RASEF: variants seen among roughly 807,000 people sequenced by gnomAD.
RASEF encodes the protein ras and EF-hand domain-containing protein.
In RASEF, 68 loss-of-function variants were observed where a neutral mutation model predicts 90.1. The ratio of observed to expected loss-of-function variants is 0.75; its 90% CI spans 0.62 to 0.92. The LOEUF (loss-of-function observed/expected upper bound fraction) is 0.92. Ranked by LOEUF, RASEF falls within the 40% of genes least tolerant of loss-of-function variation. RASEF has a pLI of 0.00. For synonymous variants in RASEF, 331 were observed against 345.2 expected (o/e 0.96, Z 0.46); for missense variants, 949 against 937.2 (o/e 1.01, Z -0.16).
the RASEF span, among the ~76,000 whole-genome samples, chr9:83,194,233 G>C: frequency 6.6e-6 from 1 of 152,054 alleles, no homozygotes; most frequent in Non-Finnish European, 1.5e-5. Context: ...ATTACCTTTA[G>C]TCTTCATGTC....
At chr9:83,214,656 G>A in the RASEF span, among the ~76,000 whole-genome samples, 4 of 152,234 alleles carry the variant, frequency 2.6e-5, no homozygotes, top group East Asian at 7.8e-4. Flanking sequence ...TTCCCATGCT[G>A]TTCTCCTGAT....
chr9:83,179,820 G>A, the RASEF span, among the ~76,000 whole-genome samples: 12 of 151,902 alleles, frequency 7.9e-5, no homozygotes, highest in Admixed American at 2.0e-4. Flanking sequence ...ACACACACAC[G>A]TACAGTGACT....
At chr9:83,178,548 C>G in the RASEF span, among the ~76,000 whole-genome samples, 1 of 152,134 alleles carries the variant, frequency 6.6e-6, no homozygotes, top group East Asian at 1.9e-4. Flanking sequence ...TGTGTGTCTT[C>G]TAACTACCAG....
At chr9:83,027,861 G>A (rs533228276) in intron 1 of RASEF, among the ~76,000 whole-genome samples, 10 of 151,968 alleles carry the variant, frequency 6.6e-5, no homozygotes, top group African/African-American at 1.4e-4. Flanking sequence ...ATTCCCCAGC[G>A]TATCCATGCT....
rs371907419 is a variant in RASEF at position 83,005,406 on chromosome 9, T to C, written c.1113+10A>G. 3.2e-6 allele frequency: 5 copies of C among 1,585,638 alleles called. No individual in the cohort carries two copies. In the East Asian group the frequency reaches 6.7e-5, roughly 21 times the overall value. ...AAGAATGAAATACATGGTAAAACTA[T>C]GTGGCATACCAAAGATCTGTTGAAC... On this transcript the variant is annotated intron_variant, in intron 8 of 16. Transcript: ENST00000376447.
At chr9:83,091,406 T>G in the RASEF span, among the ~76,000 whole-genome samples, 2 of 151,954 alleles carry the variant, frequency 1.3e-5, no homozygotes, top group African/African-American at 4.8e-5. Context: ...ATACAAAAAA[T>G]TAGCCAGGCA....
intron 1 of RASEF, among the ~76,000 whole-genome samples, chr9:83,045,845 A>G (rs57579116): frequency 0.042 from 6,376 of 152,174 alleles, 411 homozygotes; most frequent in African/African-American, 0.14. Flanking sequence ...ACAGCTGCAC[A>G]CAGCAGGCTA....
chr9:83,165,339 T>A, the RASEF span, among the ~76,000 whole-genome samples: 1 of 151,990 alleles, frequency 6.6e-6, no homozygotes, highest in African/African-American at 2.4e-5. Flanking sequence ...AAACCAGAAA[T>A]TAATAACAGA....
At chr9:82,984,703 G>A (rs946414361) in intron 16 of RASEF, among the ~76,000 whole-genome samples, 15 of 152,098 alleles carry the variant, frequency 9.9e-5, no homozygotes, top group Non-Finnish European at 1.6e-4. Flanking sequence ...TAATAAATTT[G>A]CATTATTTAA....
chr9:83,196,362 T>C, the RASEF span, among the ~76,000 whole-genome samples: 1 of 152,100 alleles, frequency 6.6e-6, no homozygotes, highest in Non-Finnish European at 1.5e-5. Context: ...ATGTAGGTCT[T>C]AGAACTGCAA....
the RASEF span, among the ~76,000 whole-genome samples, chr9:83,147,028 G>GTATATATATATA: frequency 4.8e-4 from 15 of 31,296 alleles, no homozygotes; most frequent in African/African-American, 1.1e-3. Context: ...GTGTGTGTGT[G>GTATATATATATA]TATATATATA....
the RASEF span, among the ~76,000 whole-genome samples, chr9:83,071,305 T>C: frequency 6.6e-6 from 1 of 152,250 alleles, no homozygotes; most frequent in Non-Finnish European, 1.5e-5. Flanking sequence ...TCTCTATTCA[T>C]ACATGGCTGA....
chr9:83,114,342 G>A, the RASEF span, among the ~76,000 whole-genome samples: 25 of 152,228 alleles, frequency 1.6e-4, no homozygotes, highest in Admixed American at 1.2e-3. Context: ...CGTAAGCAGA[G>A]GAGGATGTAT....
intron 1 of RASEF, among the ~76,000 whole-genome samples, chr9:83,030,312 A>T (rs1829622886): frequency 6.6e-6 from 1 of 151,736 alleles, no homozygotes; most frequent in Non-Finnish European, 1.5e-5. Flanking sequence ...AGCCAAGATC[A>T]TGTTACTGCA....
chr9:83,112,918 T>C, the RASEF span, among the ~76,000 whole-genome samples: 1 of 152,194 alleles, frequency 6.6e-6, no homozygotes, highest in Non-Finnish European at 1.5e-5. Flanking sequence ...GGTAGAATTA[T>C]GGGCAATTTA....
intron 1 of RASEF, among the ~76,000 whole-genome samples, chr9:83,060,387 A>G (rs1350371757): frequency 6.6e-6 from 1 of 152,208 alleles, no homozygotes; most frequent in Admixed American, 6.5e-5. Context: ...GTTTCCTACA[A>G]ATGTTCTTTG....
At chr9:83,213,910 G>A in the RASEF span, among the ~76,000 whole-genome samples, 1 of 152,120 alleles carries the variant, frequency 6.6e-6, no homozygotes, top group South Asian at 2.1e-4. Flanking sequence ...CCAGCAGGTG[G>A]TACAGCACAT....
intron 3 of RASEF, among the ~76,000 whole-genome samples, chr9:83,020,931 G>A (rs1030002757): frequency 6.6e-6 from 1 of 152,178 alleles, no homozygotes; most frequent in African/African-American, 2.4e-5. Context: ...AGCTGAAGAA[G>A]GGGTTATCCA....
the RASEF span, among the ~76,000 whole-genome samples, chr9:83,152,722 G>A: frequency 4.8e-5 from 6 of 124,704 alleles, no homozygotes; most frequent in East Asian, 2.1e-4. Flanking sequence ...GCGCATGTGC[G>A]CACAGACACA....
Sources: gnomAD v4.1 joint callset for allele counts (sites outside exome capture counted in the v4.1 genomes callset) on GRCh38, gnomAD v4.1.1 for gene constraint, MANE v1.5 for transcripts, NCBI Gene and HGNC (gene_info 2026-07-23, HGNC 2026-07-21) for gene names.